The following LMX1A variants were observed in gnomAD, a reference collection of about 807,000 sequenced individuals.
LMX1A encodes the protein LIM homeobox transcription factor 1-alpha.
A neutral mutation model predicts 49.1 loss-of-function variants in LMX1A; 15 were observed. The observed-to-expected ratio is 0.31, with a 90% CI of 0.20 to 0.47. The LOEUF is 0.47. Among genes scored for constraint, LMX1A ranks in the 20% least tolerant of loss-of-function variants. The pLI is 1.00. For synonymous variants in LMX1A, 167 were observed against 185.7 expected, an observed-to-expected ratio of 0.90 and a Z score of 0.82; for missense variants, 372 against 475.8, an observed-to-expected ratio of 0.78 and a Z score of 2.03.
chr1:165,211,039 C>G (rs1370677288), intron 5 of LMX1A: 1 of 348,758 alleles, frequency 2.9e-6, no homozygotes, highest in Non-Finnish European at 5.2e-6. Context: ...TTCTCTTGCT[C>G]TGGAAATTAG....
chr1:165,303,382 T>C (rs1413732569), intron 3 of LMX1A, among the ~76,000 whole-genome samples: 1 of 152,222 alleles, frequency 6.6e-6, no homozygotes, highest in Non-Finnish European at 1.5e-5. Context: ...CTTCCCAATG[T>C]GCTGGGGGCT....
At chr1:165,248,155 T>C (rs1304285972) in intron 4 of LMX1A, among the ~76,000 whole-genome samples, 1 of 152,144 alleles carries the variant, frequency 6.6e-6, no homozygotes, top group Admixed American at 6.5e-5. Flanking sequence ...TAAGAGACCT[T>C]CCCCATAAAG....
chr1:165,309,254 G>A (rs1166243415), intron 3 of LMX1A, among the ~76,000 whole-genome samples: 1 of 152,100 alleles, frequency 6.6e-6, no homozygotes, highest in Non-Finnish European at 1.5e-5. Flanking sequence ...CAGAGAGCCT[G>A]GAATCCCACT....
chr1:165,295,444 AATATATAAAAT>A (rs1654589381), intron 3 of LMX1A, among the ~76,000 whole-genome samples: 1 of 147,734 alleles, frequency 6.8e-6, no homozygotes, highest in Non-Finnish European at 1.5e-5. Flanking sequence ...ATATTTTTAT[AATATATAAAAT>A]ATATATATAA....
At chr1:165,337,908 TA>T (rs1655951505) in intron 3 of LMX1A, among the ~76,000 whole-genome samples, 1 of 17,548 alleles carries the variant, frequency 5.7e-5, no homozygotes, top group Non-Finnish European at 1.4e-4. Flanking sequence ...GTGTGTGTGT[TA>T]CTACCCCAGA....
Position 165,208,132 on chromosome 1 carries a change from T to A in LMX1A, c.748A>T (p.Met250Leu), listed in dbSNP as rs148303583. The A allele has an allele frequency of 3.1e-6, 5 of 1,613,788 alleles. No individual in the cohort carries two copies. In the African/African-American group the frequency reaches 5.3e-5, roughly 17 times the overall value. Residue 250 changes from methionine to leucine, a missense_variant and splice_region_variant, in exon 7 of 9, where the codon ATG becomes TTG. Physicochemically the swap from Met to Leu is conservative, Grantham distance 15. Coordinates refer to ENST00000342310, the MANE Select transcript of LMX1A (RefSeq NM_177398.4). ...QVWFQNQRAK[M>L]KKLARRQQQQ... The stretch of plus-strand genomic sequence containing the variant: ...TGCTGTCGCCTGGCCAGCTTCTTCA[T>A]CTGATAAGGAGAGGACCATAGGATT...
At chr1:165,348,781 G>A (rs1656327411) in intron 3 of LMX1A, among the ~76,000 whole-genome samples, 1 of 152,124 alleles carries the variant, frequency 6.6e-6, no homozygotes, top group South Asian at 2.1e-4. Flanking sequence ...GTTCATTACT[G>A]ATGCTAATAG....
At chr1:165,334,222 A>C (rs1227737681) in intron 3 of LMX1A, among the ~76,000 whole-genome samples, 6 of 152,206 alleles carry the variant, frequency 3.9e-5, no homozygotes, top group Non-Finnish European at 7.3e-5. Flanking sequence ...AGCAGTGAAT[A>C]GATTGCGGGA....
Position 165,208,003 on chromosome 1 carries a change from C to G in LMX1A, c.817+60G>C, listed in dbSNP as rs193103743. 3.5e-6 allele frequency: 5 copies of G among 1,448,112 alleles called. No individual in the cohort carries two copies. The East Asian group carries it at 1.1e-4, about 33-fold the overall frequency. 89.7% of individuals were successfully genotyped at this position (1,448,112 alleles called of 1,614,324 possible). A position where few individuals can be genotyped will look rare whatever the true frequency, so the allele number is the denominator to read the frequency against. On this transcript the variant is annotated intron_variant, in intron 7 of 8. Coordinates refer to ENST00000342310, the MANE Select transcript of LMX1A (RefSeq NM_177398.4). ...ATCCAAAGAGCTGGGTAGTGGGAGG[C>G]CTCTGGTAGGAACAGCCTGGATTCC...
intron 3 of LMX1A, among the ~76,000 whole-genome samples, chr1:165,320,042 G>A (rs1019073822): frequency 2.0e-5 from 3 of 151,974 alleles, no homozygotes; most frequent in African/African-American, 7.3e-5. Context: ...GGGTAGTAAG[G>A]AACATTTGTT....
intron 3 of LMX1A, among the ~76,000 whole-genome samples, chr1:165,297,352 C>T (rs1490916316): frequency 6.6e-6 from 1 of 152,214 alleles, no homozygotes; most frequent in African/African-American, 2.4e-5. Flanking sequence ...TAGGCAGGGG[C>T]TAGGCATTAG....
chr1:165,319,631 G>T, intron 3 of LMX1A, among the ~76,000 whole-genome samples: 1 of 152,022 alleles, frequency 6.6e-6, no homozygotes, highest in East Asian at 1.9e-4. Flanking sequence ...AAAGACTAAT[G>T]ACATGAGAAA....
At chr1:165,260,841 GT>G (rs1159341630) in intron 3 of LMX1A, among the ~76,000 whole-genome samples, 1 of 152,100 alleles carries the variant, frequency 6.6e-6, no homozygotes, top group African/African-American at 2.4e-5. Flanking sequence ...CTGCTATGGG[GT>G]TTTCCCTTTC....
chr1:165,322,280 C>G (rs10800085), intron 3 of LMX1A, among the ~76,000 whole-genome samples: 84,166 of 152,050 alleles, frequency 0.55, 23,685 homozygotes, highest in Non-Finnish European at 0.58. Flanking sequence ...TCCTCAAAAA[C>G]TTAAACATAG....
At chr1:165,328,234 G>A (rs986377063) in intron 3 of LMX1A, among the ~76,000 whole-genome samples, 1 of 152,234 alleles carries the variant, frequency 6.6e-6, no homozygotes, top group East Asian at 1.9e-4. Flanking sequence ...TGTGACCTGT[G>A]TTGAGGTCAC....
In LMX1A at chr1:165,235,393, C is replaced by T. The variant is rs143987308; in HGVS notation, c.496+14015G>A. Among the ~76,000 whole-genome samples the T allele has an allele frequency of 2.3e-5, 3 of 127,672 alleles. No homozygotes were observed. The East Asian group carries it at 7.0e-4, about 30-fold the overall frequency. The allele number at this position is 127,672 out of a possible 152,430, so 83.8% of individuals were successfully genotyped here. ...CTCCCTTTCAGCACAAGCGCTCACA[C>T]GTGCGCTCGCGCGGACACACACACA... On this transcript the variant is annotated intron_variant, in intron 4 of 8. Coordinates refer to ENST00000342310, the MANE Select transcript of LMX1A (RefSeq NM_177398.4).
intron 4 of LMX1A, 102 bp from the exon 5 acceptor site, chr1:165,213,915 C>G (rs749451201): frequency 9.9e-6 from 10 of 1,010,148 alleles, no homozygotes; most frequent in Non-Finnish European, 1.3e-5. Context: ...TCCAGGATGG[C>G]TTTATGTATG....
intron 3 of LMX1A, among the ~76,000 whole-genome samples, chr1:165,316,586 G>A (rs74647200): frequency 0.03 from 4,556 of 152,308 alleles, 212 homozygotes; most frequent in African/African-American, 0.1. Context: ...GGGGCTTCCC[G>A]GCTGGTACTG....
At chr1:165,204,835 G>A (rs1450632486) in intron 8 of LMX1A, among the ~76,000 whole-genome samples, 1 of 152,176 alleles carries the variant, frequency 6.6e-6, no homozygotes, top group Non-Finnish European at 1.5e-5. Context: ...AGTAAAGAAT[G>A]GTACAGATGT....
Sources: allele counts gnomAD v4.1 joint callset (sites outside exome capture counted in the v4.1 genomes callset), GRCh38; gene constraint gnomAD v4.1.1; transcripts MANE v1.5; gene names NCBI Gene and HGNC (gene_info 2026-07-23, HGNC 2026-07-21).